Variants in DOCK5 observed in about 807,000 individuals in gnomAD.
DOCK5 encodes dedicator of cytokinesis protein 5.
In DOCK5, 142 loss-of-function variants were observed where a neutral mutation model predicts 251.8. That is an observed-to-expected ratio of 0.56 (90% CI 0.49 to 0.65). DOCK5 has a LOEUF of 0.65. Ranked by LOEUF, DOCK5 falls within the 30% of genes least tolerant of loss-of-function variation. DOCK5 has a pLI of 0.00. For missense variants in DOCK5, 2,111 were observed against 2,312.3 expected (o/e 0.91, Z 1.79); for synonymous variants, 842 against 835.5 (o/e 1.01, Z -0.13).
chr8:25,325,676 C>G, intron 18 of DOCK5, 129 bp downstream of exon 18: 1 of 1,061,976 alleles, frequency 9.4e-7, no homozygotes, highest in Non-Finnish European at 1.3e-6. Context: ...CAATTGGATT[C>G]TGCTCTCTGC....
chr8:25,319,967 A>C (rs567483803), intron 15 of DOCK5, among the ~76,000 whole-genome samples: 2 of 152,354 alleles, frequency 1.3e-5, no homozygotes, highest in South Asian at 4.1e-4. Context: ...CTGTGCAAAC[A>C]GTTTCCTAAC....
intron 3 of DOCK5, among the ~76,000 whole-genome samples, chr8:25,275,043 T>C (rs995927781): frequency 7.2e-5 from 11 of 152,168 alleles, no homozygotes; most frequent in African/African-American, 2.7e-4. Flanking sequence ...GTGAAACTTA[T>C]GGGAAGCATC....
chr8:25,227,473 T>G (rs11987266), intron 1 of DOCK5, among the ~76,000 whole-genome samples: 3,313 of 152,280 alleles, frequency 0.022, 124 homozygotes, highest in African/African-American at 0.075. Flanking sequence ...GATATTTTCT[T>G]ATTTGATTCC....
chr8:25,394,941 G>T (rs949320752), intron 44 of DOCK5, among the ~76,000 whole-genome samples: 2 of 151,398 alleles, frequency 1.3e-5, no homozygotes, highest in South Asian at 4.2e-4. Flanking sequence ...GGGTGGGAAG[G>T]TGGGGGGTGT....
At chr8:25,376,460 C>T (rs185920853) in intron 37 of DOCK5, 501 of 704,204 alleles carry the variant, frequency 7.1e-4, no homozygotes, top group South Asian at 2.2e-3. Flanking sequence ...GTTCATGTAC[C>T]AGTACCATAC....
chr8:25,247,941 G>GCTAC (rs1339492368), intron 2 of DOCK5, among the ~76,000 whole-genome samples: 4 of 152,006 alleles, frequency 2.6e-5, no homozygotes, highest in African/African-American at 9.6e-5. Context: ...CTTCTTAACT[G>GCTAC]CTACCATAAC....
chr8:25,391,273 C>CCAGGTTG (rs1480053661), intron 42 of DOCK5, among the ~76,000 whole-genome samples: 1 of 149,654 alleles, frequency 6.7e-6, no homozygotes, highest in East Asian at 2.0e-4. Context: ...GCTGTGCTGC[C>CCAGGTTG]CAGGTTGGCT....
At chr8:25,195,101 A>G (rs1801688701) in intron 1 of DOCK5, among the ~76,000 whole-genome samples, 1 of 151,748 alleles carries the variant, frequency 6.6e-6, no homozygotes. Context: ...TTGTATTTTT[A>G]GTAGACATGG....
intron 1 of DOCK5, among the ~76,000 whole-genome samples, chr8:25,193,346 C>T (rs1484359210): frequency 6.6e-6 from 1 of 150,402 alleles, no homozygotes; most frequent in African/African-American, 2.4e-5. Flanking sequence ...AGAAACTTAT[C>T]TAACGTGTAT....
intron 38 of DOCK5, among the ~76,000 whole-genome samples, chr8:25,379,021 C>G (rs1801016373): frequency 6.6e-6 from 1 of 152,114 alleles, no homozygotes; most frequent in Non-Finnish European, 1.5e-5. Flanking sequence ...GGGAGCAGGT[C>G]ACATACTTCA....
intron 13 of DOCK5, among the ~76,000 whole-genome samples, chr8:25,311,376 T>C (rs1018656883): frequency 6.6e-6 from 1 of 151,552 alleles, no homozygotes; most frequent in Non-Finnish European, 1.5e-5. Context: ...ACCCCATCTC[T>C]ACTAAAAATA....
Position 25,296,608 on chromosome 8 carries a change from T to A in DOCK5, c.566T>A (p.Val189Glu). 1 of 1,612,584 alleles carries A rather than the reference T, an allele frequency of 6.2e-7. No individual in the cohort carries two copies. Among genetic ancestry groups the A allele is most frequent in the Non-Finnish European group, 8.5e-7 (1 of 1,179,344 alleles). Residue 189 changes from valine to glutamate, a missense_variant, in exon 7 of 52, where the codon GTG becomes GAG. Coordinates refer to ENST00000276440, the MANE Select transcript of DOCK5 (RefSeq NM_024940.8). The stretch of plus-strand genomic sequence containing the variant: ...ATTGCCCTCTTCAAGGCCCATGAGG[T>A]GGCCTCCAAAAGGATTGAGGAAAAG... The part of the protein sequence containing the change: ...STIALFKAHE[V>E]ASKRIEEKIQ...
chr8:25,308,303 T>C (rs2666165), intron 11 of DOCK5, among the ~76,000 whole-genome samples: 139,997 of 152,084 alleles, frequency 0.92, 64,508 homozygotes, highest in Middle Eastern at 0.98. Flanking sequence ...ACACTGTGCT[T>C]ATATATAGGG....
intron 42 of DOCK5, 84 bp from the exon 43 acceptor site, chr8:25,391,812 A>G (rs1268913135): frequency 4.2e-6 from 5 of 1,203,592 alleles, no homozygotes; most frequent in Non-Finnish European, 4.8e-6. Flanking sequence ...GACCAGGCAG[A>G]TGTGTTATAG....
intron 7 of DOCK5, among the ~76,000 whole-genome samples, chr8:25,297,225 G>T (rs1397276803): frequency 6.6e-6 from 1 of 151,548 alleles, no homozygotes; most frequent in African/African-American, 2.4e-5. Context: ...CTCCCGAGTA[G>T]CTGGGATTAC....
Position 25,401,289 on chromosome 8 carries a change from G to A in DOCK5, c.4926+223G>A, listed in dbSNP as rs147440844. On this transcript the variant is annotated intron_variant, in intron 47 of 51. Coordinates refer to ENST00000276440, the MANE Select transcript of DOCK5 (RefSeq NM_024940.8). ...AACAACTATCAGAACCTCCCAGAGC[G>A]CCTGTGAAAATACAGATGGCTGAGC... is the stretch of plus-strand genomic sequence containing the variant. 3.9e-5 allele frequency among the ~76,000 whole-genome samples: 6 copies of A among 152,238 alleles called. 1 individual carries two copies. The highest frequency in any genetic ancestry group is 2.0e-4 in the Admixed American group (3 of 15,296).
chr8:25,343,481 TC>T (rs1374058756), intron 25 of DOCK5, among the ~76,000 whole-genome samples: 1 of 152,204 alleles, frequency 6.6e-6, no homozygotes, highest in African/African-American at 2.4e-5. Flanking sequence ...AATCATGTGT[TC>T]CTTAATCTTT....
intron 1 of DOCK5, among the ~76,000 whole-genome samples, chr8:25,199,186 A>G (rs557669235): frequency 3.3e-5 from 5 of 152,308 alleles, no homozygotes; most frequent in Non-Finnish European, 7.4e-5. Context: ...GTGTTTTGCA[A>G]AGTAAACGTT....
chr8:25,246,192 TG>T lies in DOCK5; in HGVS notation c.127+2436del, dbSNP rs1803101753. On this transcript the variant is annotated intron_variant, in intron 2 of 51. Coordinates refer to ENST00000276440, the MANE Select transcript of DOCK5 (RefSeq NM_024940.8). Reference sequence around the variant, plus strand: ...TGGCAAGTCCCAGGGCTTCAATTTTTGTCCTCCTGGCTCCACAAGGCCATCA... The same window carrying T: ...TGGCAAGTCCCAGGGCTTCAATTTTTTCCTCCTGGCTCCACAAGGCCATCA... 9.2e-5 allele frequency among the ~76,000 whole-genome samples: 14 copies of T among 152,354 alleles called. No homozygotes were observed. The South Asian group carries it at 2.9e-3, about 32-fold the overall frequency.
Sources: allele counts gnomAD v4.1 joint callset (sites outside exome capture counted in the v4.1 genomes callset), GRCh38; gene constraint gnomAD v4.1.1; transcripts MANE v1.5; gene names NCBI Gene and HGNC (gene_info 2026-07-23, HGNC 2026-07-21).